The following CSRP1 variants were observed in gnomAD, a reference collection of about 807,000 sequenced individuals.
The protein encoded by CSRP1 is cysteine and glycine rich protein 1.
In CSRP1, 16 loss-of-function variants were observed where a neutral mutation model predicts 25.4. That is an observed-to-expected ratio of 0.63 (90% CI 0.43 to 0.96). CSRP1 has a LOEUF of 0.96. CSRP1 is among the 40% of genes least tolerant of loss of function. The pLI is 0.00. For missense variants in CSRP1, 212 were observed against 243.6 expected (o/e 0.87, Z 0.86); for synonymous variants, 97 against 95.3 (o/e 1.02, Z -0.10).
chr1:201,496,057 C>A, intron 2 of CSRP1, 135 bp downstream of exon 2: 1 of 678,586 alleles, frequency 1.5e-6, no homozygotes. Flanking sequence ...CCCTGCCCAG[C>A]TGCGCTTCAG....
intron 5 of CSRP1, 73 bp from the exon 6 acceptor site, chr1:201,484,862 A>G (rs1443104916): frequency 1.5e-6 from 2 of 1,365,454 alleles, no homozygotes; most frequent in Non-Finnish European, 2.0e-6. Flanking sequence ...CTCCTGCTGA[A>G]GATCCCCCAC....
intron 4 of CSRP1, chr1:201,486,524 A>G (rs1571773025): frequency 1.0e-6 from 1 of 985,422 alleles, no homozygotes; most frequent in Non-Finnish European, 1.2e-6. Context: ...AAATGGGGGG[A>G]CCTGGGTCTA....
chr1:201,486,407 G>A, intron 4 of CSRP1: 1 of 985,532 alleles, frequency 1.0e-6, no homozygotes, highest in Non-Finnish European at 1.2e-6. Context: ...GCCTTTTAAG[G>A]GCAAAGACAC....
chr1:201,489,114 AGGCTAGG>A, intron 3 of CSRP1, 130 bp from the exon 4 acceptor site: 1 of 1,200,116 alleles, frequency 8.3e-7, no homozygotes, highest in Non-Finnish European at 1.2e-6. Flanking sequence ...AAAGTCACAA[AGGCTAGG>A]GCCTCTAGGG....
chr1:201,496,236 A>G lies in CSRP1; in HGVS notation c.68T>C (p.Val23Ala). Reference sequence around the variant, plus strand: ...ATGGAAGCTGTTGCCTTCGCACTGAACCTCTTCGGCAAAGTAAACCGTCTT... The same window carrying G: ...ATGGAAGCTGTTGCCTTCGCACTGAGCCTCTTCGGCAAAGTAAACCGTCTT... ...CQKTVYFAEE[V>A]QCEGNSFHKS... The change falls in exon 2 of 6, where the codon GTT (valine) becomes GCT (alanine). Residue 23 changes from valine to alanine, a missense_variant. Transcript: ENST00000340006. The G allele has an allele frequency of 1.2e-6, 2 of 1,614,088 alleles. No homozygotes were observed. The highest frequency in any genetic ancestry group is 2.2e-5 in the South Asian group (2 of 91,082).
rs1337046685 is a variant in CSRP1 at position 201,486,715 on chromosome 1, T to TAAGCACCCAA, written c.412-1349_412-1340dup. The stretch of plus-strand genomic sequence containing the variant: ...TAAGCTGAATCCCTTTGCTCATTCA[T>TAAGCACCCAA]AAGCACCCAAAAGTACTCCCAGCTC... On this transcript the variant is annotated intron_variant, in intron 4 of 5. Transcript: ENST00000340006. 2.8e-6 allele frequency: 3 copies of TAAGCACCCAA among 1,054,128 alleles called. No homozygotes were observed. The East Asian group carries it at 2.9e-4, about 102-fold the overall frequency. 65.3% of individuals were successfully genotyped at this position (1,054,128 alleles called of 1,614,324 possible).
At position 201,484,725 on chromosome 1, in the gene CSRP1, G is replaced by C; in HGVS notation, c.570C>G (p.Val190=). 6.2e-7 allele frequency: 1 copy of C among 1,611,162 alleles called. No individual in the cohort carries two copies. The highest frequency in any genetic ancestry group is 8.5e-7 in the Non-Finnish European group (1 of 1,179,336). The part of the protein sequence containing the change: ...FGFGQGAGAL[V]HSE Reference sequence around the variant, plus strand: ...GGTGATGGTGGCCTCACTCAGAGTGGACCAAGGCCCCAGCTCCTTGCCCAA... The same window carrying C: ...GGTGATGGTGGCCTCACTCAGAGTGCACCAAGGCCCCAGCTCCTTGCCCAA... Residue 190 remains valine (V), a synonymous_variant, in exon 6 of 6, where the codon GTC becomes GTG. Coordinates refer to ENST00000340006, the MANE Select transcript of CSRP1 (RefSeq NM_004078.3).
intron 2 of CSRP1, chr1:201,493,010 C>G (rs1664388942): frequency 1.3e-5 from 2 of 152,426 alleles, no homozygotes; most frequent in Non-Finnish European, 2.9e-5. Flanking sequence ...TCACAGAGTT[C>G]TTCTTTCCTC....
rs555455022 is a variant in CSRP1, at chr1:201,490,108, A to G, written c.281+68T>C. 2.1e-5 allele frequency: 31 copies of G among 1,492,192 alleles called. No homozygotes were observed. In the East Asian group the frequency reaches 6.7e-4, roughly 32 times the overall value. The allele number at this position is 1,492,192 out of a possible 1,614,324, so 92.4% of individuals were successfully genotyped here. On this transcript the variant is annotated intron_variant, in intron 3 of 5. Coordinates refer to ENST00000340006, the MANE Select transcript of CSRP1 (RefSeq NM_004078.3). ...CTTACCCAAAAATGGTTGTAAATAC[A>G]CATGAGGCCTAATACAGGGTGGGGG...
chr1:201,493,839 C>T (rs1341515301), intron 2 of CSRP1, among the ~76,000 whole-genome samples: 1 of 152,172 alleles, frequency 6.6e-6, no homozygotes, highest in Non-Finnish European at 1.5e-5. Context: ...CACTTATCAC[C>T]CACTTCACTG....
chr1:201,505,416 C>G (rs610282), intron 1 of CSRP1, among the ~76,000 whole-genome samples: 104,261 of 152,094 alleles, frequency 0.69, 37,132 homozygotes, highest in Non-Finnish European at 0.77. Context: ...AGACAGACCA[C>G]AGGCAAATAG....
intron 1 of CSRP1, among the ~76,000 whole-genome samples, chr1:201,504,350 T>C (rs9628676): frequency 0.59 from 90,047 of 152,064 alleles, 28,423 homozygotes; most frequent in Non-Finnish European, 0.71. Context: ...TCTGGTACAC[T>C]GCAAGTGCAG....
At chr1:201,488,761 T>C in intron 4 of CSRP1, 94 bp downstream of exon 4, 2 of 1,492,286 alleles carry the variant, frequency 1.3e-6, no homozygotes, top group Non-Finnish European at 1.8e-6. Context: ...CAGGCTGCCC[T>C]GAGCAGAGCT....
chr1:201,499,915 C>T (rs1664616828), intron 1 of CSRP1, among the ~76,000 whole-genome samples: 2 of 152,164 alleles, frequency 1.3e-5, no homozygotes, highest in African/African-American at 4.8e-5. Context: ...AGTCACTGCT[C>T]CCAGCCACAT....
At chr1:201,499,299 C>G (rs972401973) in intron 1 of CSRP1, among the ~76,000 whole-genome samples, 6 of 152,340 alleles carry the variant, frequency 3.9e-5, no homozygotes, top group Admixed American at 2.0e-4. Context: ...TTTATTCAGG[C>G]CATTGAATGA....
At chr1:201,502,453 T>C (rs978797755) in intron 1 of CSRP1, among the ~76,000 whole-genome samples, 3 of 152,098 alleles carry the variant, frequency 2.0e-5, no homozygotes, top group Non-Finnish European at 4.4e-5. Flanking sequence ...AGCCAAGTCT[T>C]AGAAGTGACA....
chr1:201,487,369 A>G (rs568735478), intron 4 of CSRP1: 10 of 153,934 alleles, frequency 6.5e-5, no homozygotes, highest in South Asian at 2.0e-4. Flanking sequence ...GCGCCACTGT[A>G]CTCCAGCCTA....
rs528723967 is a variant in CSRP1, at chr1:201,504,780, T to C, written c.-2+2290A>G. Among the ~76,000 whole-genome samples the C allele has an allele frequency of 4.2e-5, 6 of 143,764 alleles. No homozygotes were observed. In the South Asian group the frequency reaches 6.6e-4, roughly 16 times the overall value. The allele number at this position is 143,764 out of a possible 152,430, so 94.3% of individuals were successfully genotyped here. ...GAGTTCGAGACCAGACTGGCCAATATAGTGAGACGCTGTCTCCAAAAAAAA... is the reference window on the plus strand; with the variant it reads ...GAGTTCGAGACCAGACTGGCCAATACAGTGAGACGCTGTCTCCAAAAAAAA... On this transcript the variant is annotated intron_variant, in intron 1 of 5. Transcript: ENST00000340006.
chr1:201,485,443 C>T, intron 4 of CSRP1, 67 bp from the exon 5 acceptor site: 1 of 1,396,916 alleles, frequency 7.2e-7, no homozygotes, highest in Non-Finnish European at 1.0e-6. Flanking sequence ...CCCAGGCCCA[C>T]TCCCTTTGAC....
Sources: allele counts gnomAD v4.1 joint callset (sites outside exome capture counted in the v4.1 genomes callset), GRCh38; gene constraint gnomAD v4.1.1; transcripts MANE v1.5; gene names NCBI Gene and HGNC (gene_info 2026-07-23, HGNC 2026-07-21).